The following KMT5B variants were observed in gnomAD, a reference collection of about 807,000 sequenced individuals.
KMT5B encodes the protein lysine methyltransferase 5B.
A neutral mutation model predicts 83.2 loss-of-function variants in KMT5B; 10 were observed. The observed-to-expected ratio is 0.12, with a 90% CI of 0.07 to 0.20. The LOEUF (loss-of-function observed/expected upper bound fraction) is 0.20. Ranked by LOEUF, KMT5B falls within the 10% of genes least tolerant of loss-of-function variation. The pLI is 1.00. For synonymous variants in KMT5B, 349 were observed against 388.8 expected, an observed-to-expected ratio of 0.90 and a Z score of 1.20; for missense variants, 753 against 1,067.2, an observed-to-expected ratio of 0.71 and a Z score of 4.10.
rs776903363 is a variant in KMT5B at position 68,159,113 on chromosome 11, C to T, written c.1233G>A (p.Thr411=). 10 of 1,598,992 alleles carry T rather than the reference C, an allele frequency of 6.3e-6. No homozygotes were observed. The highest frequency in any genetic ancestry group is 2.2e-5 in the East Asian group (1 of 44,864). Reference sequence around the variant, plus strand: ...CTGGAATTCTTGACATAGATTGCCTCGTTAACGTTCTGCTCTTGCTATTCT... The same window carrying T: ...CTGGAATTCTTGACATAGATTGCCTTGTTAACGTTCTGCTCTTGCTATTCT... ...VKKNSKSRTL[T]RQSMSRIPAS... The change falls in exon 11 of 11, where the codon ACG becomes ACA. Residue 411 remains threonine (T), a synonymous_variant. Transcript: ENST00000304363.
chr11:68,164,804 A>ATC (rs1855168994), intron 10 of KMT5B: 1 of 452,114 alleles, frequency 2.2e-6, no homozygotes, highest in South Asian at 1.6e-5. Context: ...TGAACTTGAA[A>ATC]GCCTGTGCCT....
In KMT5B at chr11:68,156,456, T is replaced by C. The variant is rs947930311; in HGVS notation, c.*1232A>G. 2.0e-5 allele frequency: 3 copies of C among 152,658 alleles called. No individual in the cohort carries two copies. The highest frequency in any genetic ancestry group is 1.3e-4 in the Admixed American group (2 of 15,292). 9.5% of individuals were successfully genotyped at this position (152,658 alleles called of 1,614,324 possible). A position where few individuals can be genotyped will look rare whatever the true frequency, so the allele number is the denominator to read the frequency against. On this transcript the variant is annotated 3_prime_UTR_variant, in exon 11 of 11. Coordinates refer to ENST00000304363, the MANE Select transcript of KMT5B (RefSeq NM_017635.5). ...TGACTCCTTTTTGTTTAACTGATAA[T>C]ATAGTCAAAAAAATCTTTGATGTTT...
Position 68,179,594 on chromosome 11 carries a change from T to G in KMT5B, c.377+538A>C. Reference sequence around the variant, plus strand: ...TTAGCTGTGCTACTGTGCCCTTCATTAGCATGCACAATCAAGAGCTGACTG... The same window carrying G: ...TTAGCTGTGCTACTGTGCCCTTCATGAGCATGCACAATCAAGAGCTGACTG... On this transcript the variant is annotated intron_variant, in intron 4 of 10. Transcript: ENST00000304363. The G allele has an allele frequency of 2.3e-6, 3 of 1,302,420 alleles. No homozygotes were observed. The South Asian group carries it at 3.7e-5, about 16-fold the overall frequency. 80.7% of individuals were successfully genotyped at this position (1,302,420 alleles called of 1,614,324 possible).
chr11:68,181,717 G>T (rs770400403), intron 3 of KMT5B, among the ~76,000 whole-genome samples: 8 of 152,196 alleles, frequency 5.3e-5, no homozygotes, highest in Non-Finnish European at 7.3e-5. Context: ...AAGATGAAGA[G>T]CTAGAAGGGA....
intron 1 of KMT5B, among the ~76,000 whole-genome samples, chr11:68,199,088 G>A (rs1007857341): frequency 1.3e-5 from 2 of 151,872 alleles, no homozygotes; most frequent in South Asian, 2.1e-4. Flanking sequence ...AAGTAATTGC[G>A]TTGTTTTTTT....
chr11:68,157,481 T>C lies in KMT5B; in HGVS notation c.*207A>G. The stretch of plus-strand genomic sequence containing the variant: ...TTTACCTCTAACTCAGAATTGCACG[T>C]AAGAAGGCTATTTAAAAAGTACGAT... On this transcript the variant is annotated 3_prime_UTR_variant, in exon 11 of 11. Coordinates refer to ENST00000304363, the MANE Select transcript of KMT5B (RefSeq NM_017635.5). 7 of 673,616 alleles carry C rather than the reference T, an allele frequency of 1.0e-5. No homozygotes were observed. The highest frequency in any genetic ancestry group is 1.5e-5 in the Non-Finnish European group (7 of 474,324). The allele number at this position is 673,616 out of a possible 1,614,324, so 41.7% of individuals were successfully genotyped here.
chr11:68,183,184 T>G (rs1248317034), intron 3 of KMT5B, among the ~76,000 whole-genome samples: 1 of 149,006 alleles, frequency 6.7e-6, no homozygotes, highest in Non-Finnish European at 1.5e-5. Context: ...TGTCAAAGAG[T>G]GATTCATTCA....
chr11:68,181,142 T>G, intron 3 of KMT5B, among the ~76,000 whole-genome samples: 1 of 151,814 alleles, frequency 6.6e-6, no homozygotes. Flanking sequence ...TGGTGTGATC[T>G]AGGCTCACTG....
At chr11:68,185,019 G>A (rs1489939134) in intron 3 of KMT5B, among the ~76,000 whole-genome samples, 1 of 151,992 alleles carries the variant, frequency 6.6e-6, no homozygotes, top group Non-Finnish European at 1.5e-5. Flanking sequence ...TAAATAATTA[G>A]CTGAATCCCA....
In KMT5B at chr11:68,189,906, T is replaced by C. The variant is rs751474723; in HGVS notation, c.160+11A>G. On this transcript the variant is annotated intron_variant, in intron 2 of 10. Coordinates refer to ENST00000304363, the MANE Select transcript of KMT5B (RefSeq NM_017635.5). ...ACAATCAGAACATTGAAGGTTTAAG[T>C]GTGTACATACATCTGTTCGACCTCC... 5 of 1,611,546 alleles carry C rather than the reference T, an allele frequency of 3.1e-6. No individual in the cohort carries two copies. The East Asian group carries it at 1.1e-4, about 36-fold the overall frequency.
intron 1 of KMT5B, among the ~76,000 whole-genome samples, chr11:68,194,776 AAC>A (rs1378031263): frequency 6.6e-6 from 1 of 152,202 alleles, no homozygotes; most frequent in Non-Finnish European, 1.5e-5. Context: ...CTTTCTGAAA[AAC>A]AGATGTTCTG....
intron 4 of KMT5B, among the ~76,000 whole-genome samples, chr11:68,177,190 T>C (rs1300238869): frequency 6.6e-5 from 10 of 152,240 alleles, no homozygotes; most frequent in Non-Finnish European, 8.8e-5. Context: ...AAGACATATA[T>C]ATGCATCAAA....
chr11:68,180,301 C>CT (rs1590985091), intron 3 of KMT5B, 101 bp from the exon 4 acceptor site: 1 of 1,450,802 alleles, frequency 6.9e-7, no homozygotes, highest in Non-Finnish European at 9.2e-7. Context: ...TTGCAAAAAT[C>CT]TTTAAAACTC....
chr11:68,161,829 G>A (rs866344622), intron 10 of KMT5B, among the ~76,000 whole-genome samples: 3 of 151,968 alleles, frequency 2.0e-5, no homozygotes, highest in South Asian at 4.2e-4. Flanking sequence ...ACCCATTCTC[G>A]CACGGCTATT....
In KMT5B at chr11:68,189,753, G is replaced by A. The variant is rs547850160; in HGVS notation, c.160+164C>T. On this transcript the variant is annotated intron_variant, in intron 2 of 10. Transcript: ENST00000304363. Reference sequence around the variant, plus strand: ...ACTTGAGTTTTATATAGTTTGATGAGAATAAAAATTGACACAACTTTGAGA... The same window carrying A: ...ACTTGAGTTTTATATAGTTTGATGAAAATAAAAATTGACACAACTTTGAGA... 456 of 557,652 alleles carry A rather than the reference G, an allele frequency of 8.2e-4. 2 individuals are homozygous for A. Among genetic ancestry groups the A allele is most frequent in the African/African-American group, 8.0e-3 (412 of 51,404 alleles). The allele number at this position is 557,652 out of a possible 1,614,324, so 34.5% of individuals were successfully genotyped here.
chr11:68,198,878 C>T (rs1311399765), intron 1 of KMT5B, among the ~76,000 whole-genome samples: 5 of 152,136 alleles, frequency 3.3e-5, no homozygotes, highest in South Asian at 2.1e-4. Context: ...TGCAGATGCA[C>T]GCCATCACAC....
intron 1 of KMT5B, among the ~76,000 whole-genome samples, chr11:68,210,036 C>CG (rs534328090): frequency 7.2e-4 from 110 of 152,166 alleles, no homozygotes; most frequent in African/African-American, 2.6e-3. Flanking sequence ...TTAGTAGAGA[C>CG]GGGGTTTCAC....
rs1220675551 is a variant in KMT5B, at chr11:68,167,040, G to A, written c.1116C>T (p.Asp372=). The A allele has an allele frequency of 5.0e-6, 8 of 1,614,152 alleles. No individual in the cohort carries two copies. The South Asian group carries it at 7.7e-5, about 16-fold the overall frequency. Residue 372 remains aspartate, a synonymous_variant, in exon 10 of 11, where the codon GAC becomes GAT. Coordinates refer to ENST00000304363, the MANE Select transcript of KMT5B (RefSeq NM_017635.5). ...CAGTGTTAGAGCTGACAGATTGACT[G>A]TCTGAATTTTTGCTGCTGTCACCTA... ...KKLGDSSKNS[D]SQSVSSNTDA...
At chr11:68,210,623 ATACGGC>A (rs1384744525) in intron 1 of KMT5B, among the ~76,000 whole-genome samples, 1 of 152,212 alleles carries the variant, frequency 6.6e-6, no homozygotes, top group African/African-American at 2.4e-5. Context: ...ATCATTTGAC[ATACGGC>A]CCTAGAAGAT....
Sources: gnomAD v4.1 joint callset for allele counts (sites outside exome capture counted in the v4.1 genomes callset) on GRCh38, gnomAD v4.1.1 for gene constraint, MANE v1.5 for transcripts, NCBI Gene and HGNC (gene_info 2026-07-23, HGNC 2026-07-21) for gene names.